The following OPTN variants were observed in gnomAD, a reference collection of about 807,000 sequenced individuals.
OPTN encodes the protein optineurin.
Under a neutral mutation model 70.4 loss-of-function variants are expected in OPTN, and 54 were observed. That is an observed-to-expected ratio of 0.77 (90% CI 0.62 to 0.96). OPTN has a LOEUF of 0.96. Among genes scored for constraint, OPTN ranks in the 40% least tolerant of loss-of-function variants. OPTN has a pLI of 0.00. For missense variants in OPTN, 624 were observed against 673.2 expected (o/e 0.93, Z 0.81); for synonymous variants, 256 against 248.5 (o/e 1.03, Z -0.28).
At chr10:13,117,174 G>A (rs886236991) in intron 6 of OPTN, among the ~76,000 whole-genome samples, 8 of 141,784 alleles carry the variant, frequency 5.6e-5, no homozygotes, top group African/African-American at 2.1e-4. Flanking sequence ...TCCGCCTCCC[G>A]GGTTCACGCC....
intron 11 of OPTN, 56 bp from the exon 12 acceptor site, chr10:13,127,689 C>G: frequency 6.4e-7 from 1 of 1,574,068 alleles, no homozygotes; most frequent in Non-Finnish European, 8.7e-7. Context: ...TAATATTTTA[C>G]TAAAACAGGC....
intron 6 of OPTN, among the ~76,000 whole-genome samples, chr10:13,116,852 T>C (rs913305116): frequency 6.6e-6 from 1 of 152,168 alleles, no homozygotes; most frequent in African/African-American, 2.4e-5. Flanking sequence ...AGATTTCTTA[T>C]CTGTGGAGTC....
Position 13,111,412 on chromosome 10 carries a change from C to T in OPTN, c.369+936C>T, listed in dbSNP as rs372321173. 2.1e-4 allele frequency among the ~76,000 whole-genome samples: 32 copies of T among 152,104 alleles called. No individual in the cohort carries two copies. In the South Asian group the frequency reaches 5.8e-3, roughly 28 times the overall value. On this transcript the variant is annotated intron_variant, in intron 4 of 14. Coordinates refer to ENST00000378747, the MANE Select transcript of OPTN (RefSeq NM_001008212.2). ...TTTTAAATGTTATGTCAAAATAAAT[C>T]GTGGGCTAGGCACGGTGGCTCACAC... is the stretch of plus-strand genomic sequence containing the variant.
intron 3 of OPTN, chr10:13,109,707 C>G (rs531709541): frequency 5.8e-6 from 1 of 172,830 alleles, no homozygotes; most frequent in African/African-American, 2.4e-5. Flanking sequence ...TGGTGGTGCA[C>G]GCCTCTGGTC....
rs779662670 is a variant in OPTN at position 13,109,216 on chromosome 10, C to T, written c.94C>T (p.Leu32=). The T allele has an allele frequency of 5.0e-5, 80 of 1,613,948 alleles. No homozygotes were observed. In the Admixed American group the frequency reaches 1.2e-3, roughly 25 times the overall value. Reference sequence around the variant, plus strand: ...ACCCCCCCACCTGGCCCACCCAAACCTGGACACGTTTACCCCGGAGGAGCT... The same window carrying T: ...ACCCCCCCACCTGGCCCACCCAAACTTGGACACGTTTACCCCGGAGGAGCT... ...NGPPHLAHPN[L]DTFTPEELLQ... The change falls in exon 3 of 15, where the codon CTG becomes TTG. Residue 32 remains leucine, a synonymous_variant. Transcript: ENST00000378747.
At chr10:13,116,453 T>A in intron 6 of OPTN, 113 bp downstream of exon 6, 1 of 761,204 alleles carries the variant, frequency 1.3e-6, no homozygotes, top group Non-Finnish European at 2.4e-6. Flanking sequence ...TCTTTATGAT[T>A]TATACCAGGA....
At position 13,118,990 on chromosome 10, in the gene OPTN, G is replaced by T. The variant is rs1313009234; in HGVS notation, c.729G>T (p.Gly243=). ...VSQLLLCLRE[G]NQKVERLEVA... ...AGCTCCTGCTGTGCCTAAGGGAAGGGAATCAGAAGGTGGAGAGACTTGAAG... is the reference window on the plus strand; with the variant it reads ...AGCTCCTGCTGTGCCTAAGGGAAGGTAATCAGAAGGTGGAGAGACTTGAAG... The change falls in exon 7 of 15, where the codon GGG becomes GGT. Residue 243 remains glycine, a synonymous_variant. Transcript: ENST00000378747. 4.3e-6 allele frequency: 7 copies of T among 1,613,994 alleles called. No homozygotes were observed. The African/African-American group carries it at 8.0e-5, about 18-fold the overall frequency.
At position 13,112,692 on chromosome 10, in the gene OPTN, A is replaced by G. The variant is rs563874816; in HGVS notation, c.552+57A>G. 2.0e-6 allele frequency: 3 copies of G among 1,511,086 alleles called. No homozygotes were observed. In the South Asian group the frequency reaches 3.4e-5, roughly 17 times the overall value. 93.6% of individuals were successfully genotyped at this position (1,511,086 alleles called of 1,614,324 possible). A position where few individuals can be genotyped will look rare whatever the true frequency, so the allele number is the denominator to read the frequency against. On this transcript the variant is annotated intron_variant, in intron 5 of 14. Transcript: ENST00000378747. Reference sequence around the variant, plus strand: ...AAACTATAAAGCCTCCCCTGGAAAGATGAAACAAATACCACTTTTTCTTGT... The same window carrying G: ...AAACTATAAAGCCTCCCCTGGAAAGGTGAAACAAATACCACTTTTTCTTGT...
In OPTN at chr10:13,132,206, AAG is replaced by A. The variant is rs374302388; in HGVS notation, c.1532+16_1532+17del. 88 of 1,611,462 alleles carry A rather than the reference AAG, an allele frequency of 5.5e-5. No individual in the cohort carries two copies. In the East Asian group the frequency reaches 1.9e-3, roughly 34 times the overall value. ...TTCGAAGACGGAGGCAGGTAAGGAAAAGAGAGAGGAGGACCCAGAGCTCACAT... is the reference window on the plus strand; with the variant it reads ...TTCGAAGACGGAGGCAGGTAAGGAAAAGAGAGGAGGACCCAGAGCTCACAT... On this transcript the variant is annotated intron_variant, in intron 13 of 14. Coordinates refer to ENST00000378747, the MANE Select transcript of OPTN (RefSeq NM_001008212.2).
Position 13,133,484 on chromosome 10 carries a change from T to A in OPTN, c.1533-18T>A, listed in dbSNP as rs752553590. The A allele has an allele frequency of 6.2e-7, 1 of 1,612,808 alleles. No homozygotes were observed. The highest frequency in any genetic ancestry group is 1.1e-5 in the South Asian group (1 of 91,040). On this transcript the variant is annotated intron_variant, in intron 13 of 14. Transcript: ENST00000378747. ...GGTTGTAGAACATCACACAGCGTGT[T>A]GCTTTTCGTCCTGGCAGGCAGTCCT...
At chr10:13,101,837 A>G (rs1330616384) in intron 1 of OPTN, among the ~76,000 whole-genome samples, 1 of 152,200 alleles carries the variant, frequency 6.6e-6, no homozygotes, top group Non-Finnish European at 1.5e-5. Flanking sequence ...ACTCCTAACA[A>G]TACTGGCATG....
At chr10:13,115,885 T>C (rs956833575) in intron 5 of OPTN, among the ~76,000 whole-genome samples, 16 of 151,922 alleles carry the variant, frequency 1.1e-4, no homozygotes, top group Non-Finnish European at 2.2e-4. Context: ...GTTCTAGCAT[T>C]TTGCATTTTA....
chr10:13,130,520 C>T (rs763758380), intron 12 of OPTN, among the ~76,000 whole-genome samples: 3 of 149,202 alleles, frequency 2.0e-5, no homozygotes, highest in Non-Finnish European at 4.4e-5. Flanking sequence ...CTTACTGGCT[C>T]AAAGCTAGTA....
intron 1 of OPTN, among the ~76,000 whole-genome samples, chr10:13,102,009 C>T (rs1288895011): frequency 2.0e-5 from 3 of 152,096 alleles, no homozygotes; most frequent in Non-Finnish European, 2.9e-5. Flanking sequence ...GACGGGCAGA[C>T]GATAGCAGTA....
At chr10:13,129,384 A>T (rs1420027527) in intron 12 of OPTN, among the ~76,000 whole-genome samples, 156 of 149,090 alleles carry the variant, frequency 1.0e-3, no homozygotes, top group Non-Finnish European at 2.0e-3. Flanking sequence ...GACAGAGTCT[A>T]GCTCTGTCAC....
rs753375722 is a variant in OPTN, at chr10:13,136,814, T to C, written c.1682T>C (p.Val561Ala). The C allele has an allele frequency of 6.2e-6, 10 of 1,613,968 alleles. No individual in the cohort carries two copies. Among genetic ancestry groups the C allele is most frequent in the Non-Finnish European group, 7.6e-6 (9 of 1,179,978 alleles). ...PIHSCPKCGE[V>A]LPDIDTLQIH... ...CATTCCTGCCCCAAGTGTGGAGAGGTTCTGCCTGACATAGACACGTTACAG... is the reference window on the plus strand; with the variant it reads ...CATTCCTGCCCCAAGTGTGGAGAGGCTCTGCCTGACATAGACACGTTACAG... The change falls in exon 15 of 15, where the codon GTT (valine) becomes GCT (alanine). Residue 561 changes from valine to alanine, a missense_variant. Coordinates refer to ENST00000378747, the MANE Select transcript of OPTN (RefSeq NM_001008212.2).
intron 12 of OPTN, chr10:13,131,293 A>G (rs1260580558): frequency 2.0e-5 from 3 of 152,230 alleles, no homozygotes; most frequent in Non-Finnish European, 4.4e-5. Flanking sequence ...GCCGTACACC[A>G]TCACTTCTGC....
chr10:13,117,103 C>T (rs866889681), intron 6 of OPTN, among the ~76,000 whole-genome samples: 59 of 76,530 alleles, frequency 7.7e-4, no homozygotes, highest in Middle Eastern at 0.032. Flanking sequence ...TTTTTTGAGA[C>T]GGAATCTTGT....
chr10:13,102,160 C>A (rs1380224423), intron 1 of OPTN, among the ~76,000 whole-genome samples: 2 of 152,098 alleles, frequency 1.3e-5, no homozygotes, highest in African/African-American at 4.8e-5. Context: ...ACAAGGGGAG[C>A]CAGACATTTC....
Sources: allele counts gnomAD v4.1 joint callset (sites outside exome capture counted in the v4.1 genomes callset), GRCh38; gene constraint gnomAD v4.1.1; transcripts MANE v1.5; gene names NCBI Gene and HGNC (gene_info 2026-07-23, HGNC 2026-07-21).